PIGU: variants seen among roughly 807,000 people sequenced by gnomAD.
PIGU encodes the protein GPI-anchor transamidase component PIGU.
PIGU carries 24 observed loss-of-function variants against 49.9 expected under a neutral mutation model. The observed-to-expected ratio is 0.48, with a 90% CI of 0.35 to 0.68. PIGU has a LOEUF of 0.68. PIGU is among the 30% of genes least tolerant of loss of function. PIGU has a pLI of 0.01. For synonymous variants in PIGU, 220 were observed against 205.7 expected (o/e 1.07, Z -0.59); for missense variants, 490 against 532.6 (o/e 0.92, Z 0.79).
chr20:34,628,532 T>C (rs1345957038), intron 6 of PIGU, among the ~76,000 whole-genome samples: 2 of 152,130 alleles, frequency 1.3e-5, no homozygotes, highest in African/African-American at 4.8e-5. Flanking sequence ...TCTATATTCA[T>C]AAAATGAATA....
chr20:34,620,545 C>T (rs1011242916), intron 6 of PIGU, among the ~76,000 whole-genome samples: 7 of 152,140 alleles, frequency 4.6e-5, no homozygotes, highest in Admixed American at 3.3e-4. Flanking sequence ...GGCGCGGTGG[C>T]TCATGCCTGT....
chr20:34,570,730 A>G (rs1355143939), intron 11 of PIGU, among the ~76,000 whole-genome samples: 1 of 152,194 alleles, frequency 6.6e-6, no homozygotes, highest in Non-Finnish European at 1.5e-5. Flanking sequence ...TTTTAGGAGA[A>G]GATTTTCTTA....
intron 2 of PIGU, among the ~76,000 whole-genome samples, chr20:34,652,974 G>GTTTTTTT (rs1297140166): frequency 7.3e-6 from 1 of 136,304 alleles, no homozygotes; most frequent in African/African-American, 2.7e-5. Flanking sequence ...GTCAAGTTGG[G>GTTTTTTT]TTTTTTTTTT....
At chr20:34,586,213 G>A (rs1020115707) in intron 8 of PIGU, among the ~76,000 whole-genome samples, 20 of 152,190 alleles carry the variant, frequency 1.3e-4, no homozygotes, top group African/African-American at 4.8e-4. Flanking sequence ...TTACATTTTT[G>A]ATTTAAAAAA....
At chr20:34,597,562 A>C (rs1249158742) in intron 7 of PIGU, among the ~76,000 whole-genome samples, 1 of 152,216 alleles carries the variant, frequency 6.6e-6, no homozygotes, top group Non-Finnish European at 1.5e-5. Context: ...AGATTCATGC[A>C]CTTCATGGTA....
intron 7 of PIGU, among the ~76,000 whole-genome samples, chr20:34,600,125 G>A (rs1362357204): frequency 2.6e-5 from 4 of 152,094 alleles, no homozygotes; most frequent in African/African-American, 9.7e-5. Flanking sequence ...AATAATTCAA[G>A]GCCAGGCATG....
intron 7 of PIGU, among the ~76,000 whole-genome samples, chr20:34,596,718 T>A (rs1984215224): frequency 6.6e-6 from 1 of 152,206 alleles, no homozygotes; most frequent in Non-Finnish European, 1.5e-5. Context: ...CTTCATTAAA[T>A]CAAGCTTGTT....
rs1568615414 is a variant in PIGU, at chr20:34,560,799, G to A, written c.*67C>T. On this transcript the variant is annotated 3_prime_UTR_variant, in exon 12 of 12. Transcript: ENST00000217446. The stretch of plus-strand genomic sequence containing the variant: ...CACTCGCCTGCTGGCAACTCTGGCT[G>A]GAGGGCTTGGCCCAGCTTCTGGCCC... The A allele has an allele frequency of 8.2e-7, 1 of 1,219,102 alleles. No individual in the cohort carries two copies. Among genetic ancestry groups the A allele is most frequent in the Non-Finnish European group, 1.1e-6 (1 of 891,826 alleles). 75.5% of individuals were successfully genotyped at this position (1,219,102 alleles called of 1,614,324 possible). A position where few individuals can be genotyped will look rare whatever the true frequency, so the allele number is the denominator to read the frequency against.
At chr20:34,593,197 C>T (rs1984059991) in intron 7 of PIGU, among the ~76,000 whole-genome samples, 1 of 151,918 alleles carries the variant, frequency 6.6e-6, no homozygotes, top group African/African-American at 2.4e-5. Flanking sequence ...ATTAGTAGGG[C>T]ATGGTGGCAC....
chr20:34,561,029 C>A (rs1325877677), intron 11 of PIGU, 50 bp from the exon 12 acceptor site: 2 of 1,328,792 alleles, frequency 1.5e-6, no homozygotes, highest in Non-Finnish European at 2.1e-6. Flanking sequence ...TCCCCCTAAA[C>A]CCAGGATCCC....
intron 7 of PIGU, among the ~76,000 whole-genome samples, chr20:34,593,392 T>C (rs1307661501): frequency 2.0e-5 from 3 of 148,142 alleles, no homozygotes; most frequent in Non-Finnish European, 3.0e-5. Flanking sequence ...AAAGTTCATA[T>C]GGAAAAACAA....
intron 6 of PIGU, among the ~76,000 whole-genome samples, chr20:34,625,938 A>T (rs907328034): frequency 2.2e-4 from 29 of 132,384 alleles, no homozygotes; most frequent in African/African-American, 6.3e-4. Context: ...AAATTAGATT[A>T]AAAAAAATAC....
chr20:34,581,743 C>T, intron 9 of PIGU, 71 bp from the exon 10 acceptor site: 1 of 1,544,084 alleles, frequency 6.5e-7, no homozygotes, highest in Non-Finnish European at 8.8e-7. Flanking sequence ...ACTCCTGACT[C>T]CATCCTTTGA....
intron 9 of PIGU, among the ~76,000 whole-genome samples, chr20:34,583,311 T>A (rs1352297860): frequency 6.6e-6 from 1 of 152,200 alleles, no homozygotes; most frequent in African/African-American, 2.4e-5. Flanking sequence ...ATGAAAAGGC[T>A]GGTGAAAATG....
chr20:34,584,736 G>A (rs2146709440), intron 9 of PIGU, among the ~76,000 whole-genome samples: 1 of 152,014 alleles, frequency 6.6e-6, no homozygotes, highest in African/African-American at 2.4e-5. Flanking sequence ...CGCCCAGGCT[G>A]GAGTGCAGTG....
chr20:34,638,497 A>T (rs1986040630), intron 4 of PIGU, among the ~76,000 whole-genome samples: 1 of 152,258 alleles, frequency 6.6e-6, no homozygotes, highest in Non-Finnish European at 1.5e-5. Flanking sequence ...GTGGACAAAC[A>T]ATAAATATCT....
intron 5 of PIGU, among the ~76,000 whole-genome samples, chr20:34,635,831 C>T (rs544311546): frequency 1.3e-5 from 2 of 151,670 alleles, no homozygotes; most frequent in Admixed American, 6.6e-5. Flanking sequence ...ACCGAGATGA[C>T]GCCATTGCAC....
chr20:34,595,095 CAAAAAAAA>C (rs71194627), intron 7 of PIGU, among the ~76,000 whole-genome samples: 68 of 71,344 alleles, frequency 9.5e-4, no homozygotes, highest in Admixed American at 3.7e-3. Flanking sequence ...GACTCCGTCT[CAAAAAAAA>C]AAAAAAAAAA....
At chr20:34,631,764 TATATATATATATATATATATA>T (rs1311314839) in intron 6 of PIGU, among the ~76,000 whole-genome samples, 187 of 5,550 alleles carry the variant, frequency 0.034, 20 homozygotes, top group African/African-American at 0.05. Context: ...TATATATATA[TATATATATATATATATATATA>T]TTTTTTTTTT....
Sources: allele counts gnomAD v4.1 joint callset (sites outside exome capture counted in the v4.1 genomes callset), GRCh38; gene constraint gnomAD v4.1.1; transcripts MANE v1.5; gene names NCBI Gene and HGNC (gene_info 2026-07-23, HGNC 2026-07-21).